The following WDPCP variants were observed in gnomAD, a reference collection of about 807,000 sequenced individuals.
WDPCP encodes the protein WD repeat-containing and planar cell polarity effector protein fritz homolog.
A neutral mutation model predicts 93.1 loss-of-function variants in WDPCP; 71 were observed. That is an observed-to-expected ratio of 0.76 (90% CI 0.63 to 0.93). The LOEUF is 0.93. Among genes scored for constraint, WDPCP ranks in the 40% least tolerant of loss-of-function variants. The pLI is 0.00. For synonymous variants in WDPCP, 315 were observed against 315.0 expected (o/e 1.00, Z 0.00); for missense variants, 844 against 887.4 (o/e 0.95, Z 0.62).
At chr2:63,734,415 C>G (rs1327821864) in intron 2 of WDPCP, among the ~76,000 whole-genome samples, 1 of 152,030 alleles carries the variant, frequency 6.6e-6, no homozygotes, top group Non-Finnish European at 1.5e-5. Flanking sequence ...ATAATGAGAT[C>G]TTGTGACCAG....
chr2:63,376,562 TTC>T (rs923809337), intron 12 of WDPCP, among the ~76,000 whole-genome samples: 1 of 151,920 alleles, frequency 6.6e-6, no homozygotes, highest in Non-Finnish European at 1.5e-5. Context: ...CTTCCAAAAC[TTC>T]TGTTTCATTC....
At chr2:63,462,901 G>A (rs1449345253) in intron 6 of WDPCP, among the ~76,000 whole-genome samples, 1 of 152,144 alleles carries the variant, frequency 6.6e-6, no homozygotes, top group East Asian at 1.9e-4. Flanking sequence ...TAAAGATACT[G>A]TCTGAGCTAT....
At chr2:63,785,015 A>C (rs573851940) in intron 2 of WDPCP, among the ~76,000 whole-genome samples, 1 of 152,354 alleles carries the variant, frequency 6.6e-6, no homozygotes, top group African/African-American at 2.4e-5. Context: ...TTACGCTATG[A>C]GAGTTCAATA....
chr2:63,319,732 C>T (rs2104091071), intron 12 of WDPCP, among the ~76,000 whole-genome samples: 1 of 152,260 alleles, frequency 6.6e-6, no homozygotes, highest in East Asian at 1.9e-4. Flanking sequence ...CCCGCCTCAG[C>T]CTCCCAAAGT....
At chr2:63,769,217 T>A (rs1391502761) in intron 2 of WDPCP, among the ~76,000 whole-genome samples, 1 of 151,876 alleles carries the variant, frequency 6.6e-6, no homozygotes, top group Non-Finnish European at 1.5e-5. Flanking sequence ...TGGGTATGTA[T>A]TATGTAGGAC....
At chr2:63,546,363 C>T (rs1286282665) in intron 1 of WDPCP, among the ~76,000 whole-genome samples, 1 of 152,110 alleles carries the variant, frequency 6.6e-6, no homozygotes, top group Admixed American at 6.6e-5. Flanking sequence ...CAGGCCTGCT[C>T]AAGGTAGGGG....
intron 2 of WDPCP, among the ~76,000 whole-genome samples, chr2:63,760,962 C>G (rs1670047669): frequency 1.3e-5 from 2 of 152,188 alleles, no homozygotes; most frequent in Non-Finnish European, 2.9e-5. Flanking sequence ...GGGTTTACTA[C>G]TAGGCTCTCC....
At chr2:63,563,689 G>C (rs1706807377) in intron 1 of WDPCP, among the ~76,000 whole-genome samples, 1 of 152,058 alleles carries the variant, frequency 6.6e-6, no homozygotes, top group South Asian at 2.1e-4. Flanking sequence ...AGGTTAAATT[G>C]AGGTCATAAG....
chr2:63,591,394 G>T (rs1038843664), upstream of WDPCP, among the ~76,000 whole-genome samples: 3 of 152,192 alleles, frequency 2.0e-5, no homozygotes, highest in Non-Finnish European at 2.9e-5. Flanking sequence ...ACCTACCTGG[G>T]AAAGTAATTT....
intron 4 of WDPCP, 45 bp downstream of exon 4, chr2:63,486,497 C>A: frequency 1.3e-6 from 2 of 1,500,458 alleles, no homozygotes; most frequent in Non-Finnish European, 9.1e-7. Context: ...TAATACTGAA[C>A]TTTACAGTTT....
At chr2:63,219,949 C>T (rs1205278968) in intron 14 of WDPCP, among the ~76,000 whole-genome samples, 2 of 152,064 alleles carry the variant, frequency 1.3e-5, no homozygotes, top group Non-Finnish European at 2.9e-5. Context: ...TTGCAGTAAG[C>T]CAAGATCGCG....
chr2:63,588,791 GAGCGC>G, upstream of WDPCP: 1 of 568,830 alleles, frequency 1.8e-6, no homozygotes, highest in East Asian at 3.0e-5. Flanking sequence ...AATCGGCGCA[GAGCGC>G]AGTGAGAAGA....
chr2:63,226,997 G>A (rs1481371465), intron 14 of WDPCP, among the ~76,000 whole-genome samples: 1 of 151,834 alleles, frequency 6.6e-6, no homozygotes, highest in African/African-American at 2.4e-5. Context: ...ACCTAGAATA[G>A]CTCCAAACAC....
chr2:63,711,664 A>C (rs545030261), intron 2 of WDPCP: 29 of 152,418 alleles, frequency 1.9e-4, no homozygotes, highest in African/African-American at 7.0e-4. Flanking sequence ...GGGAGGCTAA[A>C]GGGGGAAGAT....
chr2:63,560,515 T>C (rs1706524257), intron 1 of WDPCP, among the ~76,000 whole-genome samples: 1 of 152,184 alleles, frequency 6.6e-6, no homozygotes, highest in South Asian at 2.1e-4. Context: ...ATTTAATAAA[T>C]GCTGTTGACA....
At chr2:63,320,140 A>G (rs926018504) in intron 12 of WDPCP, among the ~76,000 whole-genome samples, 2 of 152,178 alleles carry the variant, frequency 1.3e-5, no homozygotes, top group South Asian at 2.1e-4. Context: ...AATTTAAAAA[A>G]ACAATAGCAG....
chr2:63,755,561 T>A (rs1669954964), intron 2 of WDPCP, among the ~76,000 whole-genome samples: 1 of 152,212 alleles, frequency 6.6e-6, no homozygotes, highest in East Asian at 1.9e-4. Context: ...TTGACGTTAG[T>A]GAGCAAATTT....
chr2:63,410,096 G>C lies in WDPCP; in HGVS notation c.826-5439C>G, dbSNP rs540401294. On this transcript the variant is annotated intron_variant, in intron 9 of 17. Coordinates refer to ENST00000272321, the MANE Select transcript of WDPCP (RefSeq NM_015910.7). ...TGTCATCAGGTTAAGACAAAGGAAA[G>C]AATTTTAAGAGCTGTGAGACAGAAG... is the stretch of plus-strand genomic sequence containing the variant. Among the ~76,000 whole-genome samples the C allele has an allele frequency of 1.3e-3, 204 of 152,242 alleles. 2 individuals are homozygous for C. The highest frequency in any genetic ancestry group is 4.6e-3 in the African/African-American group (192 of 41,560).
intron 1 of WDPCP, among the ~76,000 whole-genome samples, chr2:63,555,391 T>C (rs1160620446): frequency 1.2e-5 from 1 of 86,114 alleles, no homozygotes; most frequent in Non-Finnish European, 2.1e-5. Context: ...TCTCCGTAGA[T>C]CAGCGGACTT....
Sources: gnomAD v4.1 joint callset for allele counts (sites outside exome capture counted in the v4.1 genomes callset) on GRCh38, gnomAD v4.1.1 for gene constraint, MANE v1.5 for transcripts, NCBI Gene and HGNC (gene_info 2026-07-23, HGNC 2026-07-21) for gene names.